Variants in TRERF1 observed in about 807,000 individuals in gnomAD.
TRERF1 encodes transcriptional regulating factor 1, also known as transcriptional-regulating factor 1.
TRERF1 carries 27 observed loss-of-function variants against 122.9 expected under a neutral mutation model. That is an observed-to-expected ratio of 0.22 (90% confidence interval 0.16 to 0.30). The LOEUF (loss-of-function observed/expected upper bound fraction) is 0.30, where lower values mean the gene tolerates loss of function less well. Among genes scored for constraint, TRERF1 ranks in the 10% least tolerant of loss-of-function variants. The pLI, the probability that TRERF1 is intolerant of heterozygous loss-of-function variation, is 1.00. For missense variants in TRERF1, 1,248 were observed against 1,560.3 expected, an observed-to-expected ratio of 0.80 and a Z score of 3.37; for synonymous variants, 636 against 641.7, an observed-to-expected ratio of 0.99 and a Z score of 0.13.
rs748240508 is a variant in TRERF1, at chr6:42,269,057, G to A, written c.534C>T (p.Asp178=). The change falls in exon 5 of 18, where the codon GAC becomes GAT. Residue 178 remains aspartate (D), a synonymous_variant. Transcript: ENST00000372922. This position sits in a 1 kb window ranked among gnomAD's most constrained non-coding sequence, Gnocchi z 4.9. ...GAGACAGCAGCTGGCGGAGAGCACT[G>A]TCAGGGGCTCCATCCATCACTGCTG... 3.1e-6 allele frequency: 5 copies of A among 1,614,082 alleles called. No individual in the cohort carries two copies. In the Admixed American group the frequency reaches 6.7e-5, roughly 22 times the overall value.
chr6:42,302,776 G>T (rs942385), intron 3 of TRERF1, among the ~76,000 whole-genome samples: 2,086 of 152,320 alleles, frequency 0.014, 18 homozygotes, highest in South Asian at 0.03. Context: ...GCATGGCACG[G>T]GTGGGAAGCA....
At chr6:42,445,279 AAAC>A (rs1787266923) in intron 2 of TRERF1, among the ~76,000 whole-genome samples, 1 of 150,508 alleles carries the variant, frequency 6.6e-6, no homozygotes, top group African/African-American at 2.4e-5. Context: ...AAAAAAAAAA[AAAC>A]AAAAAACGAT....
chr6:42,272,380 T>C (rs1381883541), intron 4 of TRERF1, among the ~76,000 whole-genome samples: 2 of 152,216 alleles, frequency 1.3e-5, no homozygotes, highest in South Asian at 4.2e-4. Flanking sequence ...TGGCCAAGGA[T>C]GGCTGCAGCA....
At chr6:42,411,972 C>T (rs1190988685) in intron 2 of TRERF1, among the ~76,000 whole-genome samples, 1 of 151,302 alleles carries the variant, frequency 6.6e-6, no homozygotes, top group African/African-American at 2.4e-5. Context: ...CTTAACACCA[C>T]CAATTATTTG....
intron 2 of TRERF1, among the ~76,000 whole-genome samples, chr6:42,416,328 A>C (rs773002599): frequency 2.0e-5 from 3 of 152,244 alleles, no homozygotes; most frequent in Non-Finnish European, 4.4e-5. Flanking sequence ...CCATTTTAAT[A>C]CTAAGCAAAA....
rs58223539 is a variant in TRERF1, at chr6:42,238,835, T to TCACACACACACACA, written c.2860-2438_2860-2425dup. 1.4e-3 allele frequency among the ~76,000 whole-genome samples: 197 copies of TCACACACACACACA among 143,108 alleles called. 1 individual carries two copies. Among genetic ancestry groups the TCACACACACACACA allele is most frequent in the Middle Eastern group, 3.5e-3 (1 of 286 alleles). The allele number at this position is 143,108 out of a possible 152,430, so 93.9% of individuals were successfully genotyped here. A position where few individuals can be genotyped will look rare whatever the true frequency, so the allele number is the denominator to read the frequency against. ...GAATGCCTGCTGAGAATCATGCATT[T>TCACACACACACACA]CACACACACACACACACACACACAC... On this transcript the variant is annotated intron_variant, in intron 15 of 17. Coordinates refer to ENST00000372922, the Ensembl canonical transcript of TRERF1.
chr6:42,340,734 G>A (rs369108818), intron 3 of TRERF1, among the ~76,000 whole-genome samples: 2 of 152,126 alleles, frequency 1.3e-5, no homozygotes, highest in South Asian at 2.1e-4. Flanking sequence ...CTGAGTAGCT[G>A]CGACTACAGA....
At chr6:42,264,752 G>A (rs1267299393) in exon 7 of TRERF1, 1 of 1,614,248 alleles carries the variant, frequency 6.2e-7, no homozygotes, top group Non-Finnish European at 8.5e-7. Flanking sequence ...ACCGCATGTG[G>A]CCATTCAGGG....
chr6:42,362,507 C>T (rs1465829458), intron 3 of TRERF1, among the ~76,000 whole-genome samples: 1 of 152,212 alleles, frequency 6.6e-6, no homozygotes, highest in Non-Finnish European at 1.5e-5. Context: ...GGAATCATAG[C>T]TGTATGCCCA....
chr6:42,361,920 A>G (rs1388013891), intron 3 of TRERF1, among the ~76,000 whole-genome samples: 1 of 152,162 alleles, frequency 6.6e-6, no homozygotes, highest in Non-Finnish European at 1.5e-5. Flanking sequence ...TTCAATAAGG[A>G]TATTTATTCT....
chr6:42,266,200 T>C (rs1290141283), intron 5 of TRERF1, among the ~76,000 whole-genome samples: 1 of 151,060 alleles, frequency 6.6e-6, no homozygotes, highest in Non-Finnish European at 1.5e-5. Context: ...TTTTTTTTTT[T>C]TTTTTTGAGA....
At chr6:42,235,376 A>G (rs1419080550) in intron 16 of TRERF1, among the ~76,000 whole-genome samples, 1 of 152,228 alleles carries the variant, frequency 6.6e-6, no homozygotes, top group Non-Finnish European at 1.5e-5. Context: ...GGAAAAGCTC[A>G]CCAATTCAGA....
chr6:42,254,653 A>AG (rs139124618), intron 13 of TRERF1, among the ~76,000 whole-genome samples, 198 bp downstream of exon 13: 2,739 of 152,288 alleles, frequency 0.018, 84 homozygotes, highest in African/African-American at 0.061. Context: ...CACACCCACA[A>AG]GGGGCAGGAG....
At chr6:42,294,969 A>G (rs1028634060) in intron 4 of TRERF1, among the ~76,000 whole-genome samples, 1 of 149,094 alleles carries the variant, frequency 6.7e-6, no homozygotes, top group Non-Finnish European at 1.5e-5. Context: ...AGGATGAATC[A>G]TGATCAGGAC....
chr6:42,415,736 C>G (rs535713838), intron 2 of TRERF1, among the ~76,000 whole-genome samples: 2 of 152,170 alleles, frequency 1.3e-5, no homozygotes, highest in Non-Finnish European at 1.5e-5. Context: ...CAATTAGTAC[C>G]AAGTGATCTT....
chr6:42,444,178 CT>C (rs201969394), intron 2 of TRERF1, among the ~76,000 whole-genome samples: 120 of 133,820 alleles, frequency 9.0e-4, no homozygotes, highest in East Asian at 8.9e-4. Context: ...GCAGCCTTTG[CT>C]TTTTTTTTTT....
rs75203024 is a variant in TRERF1 at position 42,393,360 on chromosome 6, A to T, written c.-453-30281T>A. 0.023 allele frequency among the ~76,000 whole-genome samples: 3,485 copies of T among 152,332 alleles called. 132 individuals are homozygous for T. Among genetic ancestry groups the T allele is most frequent in the African/African-American group, 0.08 (3,334 of 41,550 alleles). On this transcript the variant is annotated intron_variant, in intron 2 of 17. Transcript: ENST00000372922. The surrounding 1 kb of genome is among the most constrained non-coding windows in gnomAD (Gnocchi z 4.1). ...GAGTGACATTGTCAGGGCTTGAACC[A>T]GTATCTTCTGGGGCAGCCAAGGCCT...
chr6:42,320,711 A>G (rs1230391842), intron 3 of TRERF1, among the ~76,000 whole-genome samples: 1 of 152,056 alleles, frequency 6.6e-6, no homozygotes, highest in Non-Finnish European at 1.5e-5. Context: ...GGATTTCGCC[A>G]TGTTGGCGAG....
chr6:42,348,863 T>A (rs1262332911), intron 3 of TRERF1, among the ~76,000 whole-genome samples: 1 of 152,072 alleles, frequency 6.6e-6, no homozygotes, highest in Non-Finnish European at 1.5e-5. Flanking sequence ...AAAGATTAGT[T>A]AGAAGGAAGG....
Sources: allele counts gnomAD v4.1 joint callset (sites outside exome capture counted in the v4.1 genomes callset), GRCh38; gene constraint gnomAD v4.1.1; non-coding constraint Gnocchi (gnomAD v3.1); transcripts MANE v1.5; gene names NCBI Gene and HGNC (gene_info 2026-07-23, HGNC 2026-07-21).